RYR3: variants seen among roughly 807,000 people sequenced by gnomAD.
The protein encoded by RYR3 is brain ryanodine receptor-calcium release channel.
In RYR3, 207 loss-of-function variants were observed where a neutral mutation model predicts 584.3. The observed-to-expected ratio is 0.35, with a 90% confidence interval of 0.32 to 0.40. The LOEUF (loss-of-function observed/expected upper bound fraction) is 0.40. RYR3 is among the 10% of genes least tolerant of loss of function. The probability of loss-of-function intolerance (pLI) is 1.00; values close to 1 mark genes in which losing one functional copy is unlikely to be tolerated. For missense variants in RYR3, 5,616 were observed against 6,089.2 expected, an observed-to-expected ratio of 0.92 and a Z score of 2.59; for synonymous variants, 2,416 against 2,248.5, an observed-to-expected ratio of 1.07 and a Z score of -2.11.
intron 3 of RYR3, among the ~76,000 whole-genome samples, chr15:33,529,960 T>C (rs2054718113): frequency 6.6e-6 from 1 of 152,188 alleles, no homozygotes; most frequent in African/African-American, 2.4e-5. Context: ...GGGCAGCCAC[T>C]GAGCAAATAG....
At chr15:33,860,974 GAAA>G (rs1475078342) in intron 101 of RYR3, 101 bp from the exon 102 acceptor site, 2 of 937,904 alleles carry the variant, frequency 2.1e-6, no homozygotes, top group Non-Finnish European at 3.3e-6. Flanking sequence ...AAAAGCATTA[GAAA>G]GAAAGTTTTC....
chr15:33,838,603 A>C lies in RYR3; in HGVS notation c.12623A>C (p.Gln4208Pro). The C allele has an allele frequency of 6.2e-7, 1 of 1,613,938 alleles. No individual in the cohort carries two copies. The highest frequency in any genetic ancestry group is 1.3e-5 in the African/African-American group (1 of 75,040). Residue 4208 changes from glutamine (Q) to proline (P), a missense_variant, in exon 89 of 104, where the codon CAG becomes CCG. Around this residue, in one of 9 missense-constraint regions of RYR3, gnomAD observed 918 missense variants for 887.4 expected, o/e 1.03. Coordinates refer to ENST00000634891, the MANE Select transcript of RYR3 (RefSeq NM_001036.6). ...TTCACCATCCTGGGAGGAATCTTTCAGATCCTCTGGAGCACAGTGTTTGGA... is the reference window on the plus strand; with the variant it reads ...TTCACCATCCTGGGAGGAATCTTTCCGATCCTCTGGAGCACAGTGTTTGGA... Reference protein sequence around the residue: ...LLFTILGGIFQILWSTVFGGG... With the variant: ...LLFTILGGIFPILWSTVFGGG...
intron 1 of RYR3, among the ~76,000 whole-genome samples, chr15:33,429,651 A>G (rs2044952064): frequency 6.6e-6 from 1 of 152,210 alleles, no homozygotes. Flanking sequence ...CCTCTTTATT[A>G]TCCCCTCCCA....
At chr15:33,452,216 C>T (rs2047190233) in intron 1 of RYR3, among the ~76,000 whole-genome samples, 1 of 152,230 alleles carries the variant, frequency 6.6e-6, no homozygotes, top group African/African-American at 2.4e-5. Context: ...ATTGTTGGTT[C>T]TGCCCTGGTA....
At chr15:33,740,055 T>A in intron 51 of RYR3, 60 bp downstream of exon 51, 4 of 1,472,082 alleles carry the variant, frequency 2.7e-6, no homozygotes, top group Non-Finnish European at 3.8e-6. Flanking sequence ...AATGTTTTCT[T>A]CCAGAGGGTA....
intron 2 of RYR3, among the ~76,000 whole-genome samples, chr15:33,474,702 G>T (rs1236339647): frequency 6.6e-6 from 1 of 151,960 alleles, no homozygotes; most frequent in Non-Finnish European, 1.5e-5. Context: ...TAAAAAAACC[G>T]AAAACAAAAA....
At chr15:33,567,768 T>C (rs1311590971) in intron 12 of RYR3, among the ~76,000 whole-genome samples, 5 of 152,196 alleles carry the variant, frequency 3.3e-5, no homozygotes, top group Non-Finnish European at 7.3e-5. Flanking sequence ...TCTTAGGTTT[T>C]ACCTCAAACC....
At chr15:33,349,523 G>A (rs912669104) in intron 1 of RYR3, among the ~76,000 whole-genome samples, 3 of 151,608 alleles carry the variant, frequency 2.0e-5, no homozygotes, top group South Asian at 4.2e-4. Flanking sequence ...CCCTAATGAC[G>A]AATGACGCCA....
chr15:33,652,675 GC>G lies in RYR3; in HGVS notation c.4143-39del, dbSNP rs760662370. 567 of 1,590,498 alleles carry G rather than the reference GC, an allele frequency of 3.6e-4. 1 individual carries two copies. Among genetic ancestry groups the G allele is most frequent in the Non-Finnish European group, 4.6e-4 (532 of 1,168,526 alleles). Reference sequence around the variant, plus strand: ...CATTCCTGAGTCTTGATTACAAACTGCCCCAGTCCAGATTCTGTGCCTTTTC... The same window carrying G: ...CATTCCTGAGTCTTGATTACAAACTGCCCAGTCCAGATTCTGTGCCTTTTC... On this transcript the variant is annotated intron_variant, in intron 31 of 103. Transcript: ENST00000634891.
intron 1 of RYR3, among the ~76,000 whole-genome samples, chr15:33,469,730 A>G (rs554020491): frequency 2.4e-4 from 37 of 152,154 alleles, no homozygotes; most frequent in Non-Finnish European, 4.4e-4. Context: ...GAGTACCACC[A>G]GGTTGGAGGT....
intron 99 of RYR3, chr15:33,858,480 T>G (rs1314810844): frequency 7.0e-6 from 1 of 143,460 alleles, no homozygotes; most frequent in Non-Finnish European, 1.6e-5. Flanking sequence ...GTGCTGGGAT[T>G]ACAGGCGTGA....
At chr15:33,825,847 C>G in intron 82 of RYR3, 171 bp downstream of exon 82, 1 of 548,302 alleles carries the variant, frequency 1.8e-6, no homozygotes, top group Non-Finnish European at 3.2e-6. Context: ...CTTCTCCTGC[C>G]TCATCCTCCC....
chr15:33,420,465 A>G (rs887203009), intron 1 of RYR3, among the ~76,000 whole-genome samples: 1 of 152,130 alleles, frequency 6.6e-6, no homozygotes, highest in Non-Finnish European at 1.5e-5. Flanking sequence ...AATCTGCTGG[A>G]TTTCTTGTAG....
chr15:33,577,801 C>A (rs1397780623), intron 12 of RYR3, among the ~76,000 whole-genome samples: 3 of 152,082 alleles, frequency 2.0e-5, no homozygotes, highest in Admixed American at 6.5e-5. Flanking sequence ...TTCTGCACAG[C>A]CAAAGAAACT....
intron 2 of RYR3, among the ~76,000 whole-genome samples, chr15:33,491,290 G>A (rs987096195): frequency 5.3e-5 from 8 of 152,142 alleles, no homozygotes; most frequent in African/African-American, 9.7e-5. Context: ...CTAGGTTTCC[G>A]GTTGCTATAG....
rs775610450 is a variant in RYR3, at chr15:33,840,858, G to A, written c.13012G>A (p.Gly4338Arg). 1 of 1,613,802 alleles carries A rather than the reference G, an allele frequency of 6.2e-7. No homozygotes were observed. Among genetic ancestry groups the A allele is most frequent in the Non-Finnish European group, 8.5e-7 (1 of 1,179,874 alleles). Residue 4338 changes from glycine (G) to arginine (R), a missense_variant, in exon 90 of 104, where the codon GGA becomes AGA. Around this residue, in one of 9 missense-constraint regions of RYR3, gnomAD observed 918 missense variants for 887.4 expected, o/e 1.03. Transcript: ENST00000634891. ...AEMKAANEAE[G>R]KVESEKADME... ...AATGAAAGCAGCAAATGAAGCAGAA[G>A]GAAAAGTAGAATCCGAGAAGGCAGA...
rs778100226 is a variant in RYR3 at position 33,819,716 on chromosome 15, A to AAAT, written c.10707-37_10707-35dup. On this transcript the variant is annotated intron_variant, in intron 76 of 103. Coordinates refer to ENST00000634891, the MANE Select transcript of RYR3 (RefSeq NM_001036.6). ...TAAATAAATAAATAAATAAATAAAT[A>AAAT]AATAAAAAGCCTGCTAAATATTTCC... 215 of 1,180,534 alleles carry AAAT rather than the reference A, an allele frequency of 1.8e-4. 1 individual carries two copies. The highest frequency in any genetic ancestry group is 2.1e-4 in the Middle Eastern group (1 of 4,726). The allele number at this position is 1,180,534 out of a possible 1,614,324, so 73.1% of individuals were successfully genotyped here. A position where few individuals can be genotyped will look rare whatever the true frequency, so the allele number is the denominator to read the frequency against.
intron 8 of RYR3, among the ~76,000 whole-genome samples, chr15:33,544,585 G>A (rs141299405): frequency 7.2e-4 from 110 of 152,278 alleles, no homozygotes; most frequent in African/African-American, 2.6e-3. Flanking sequence ...AGAAGCCAGA[G>A]CTGCTGACTC....
chr15:33,731,100 A>AT (rs1312543795), intron 47 of RYR3, among the ~76,000 whole-genome samples: 1 of 152,246 alleles, frequency 6.6e-6, no homozygotes, highest in African/African-American at 2.4e-5. Context: ...GTAATGTAGT[A>AT]TCCTGGCAAC....
Sources: allele counts gnomAD v4.1 joint callset (sites outside exome capture counted in the v4.1 genomes callset), GRCh38; gene constraint gnomAD v4.1.1; regional missense constraint gnomAD v4.1.1; transcripts MANE v1.5; gene names NCBI Gene and HGNC (gene_info 2026-07-23, HGNC 2026-07-21).